The following CHM variants were observed in gnomAD, a reference collection of about 807,000 sequenced individuals.
The protein encoded by CHM is CHM Rab escort protein.
CHM carries 10 observed loss-of-function variants against 49.0 expected under a neutral mutation model. That is an observed-to-expected ratio of 0.20 (90% CI 0.13 to 0.35). The LOEUF is 0.35. Ranked by LOEUF, CHM falls within the 10% of genes least tolerant of loss-of-function variation. The pLI, the probability that CHM is intolerant of heterozygous loss-of-function variation, is 1.00. For synonymous variants in CHM, 184 were observed against 167.5 expected (o/e 1.10, Z -0.76); for missense variants, 455 against 478.4 (o/e 0.95, Z 0.46).
intron 2 of CHM, among the ~76,000 whole-genome samples, chrX:85,984,364 C>A (rs551448833): frequency 6.3e-5 from 7 of 111,115 alleles, no homozygotes; most frequent in Non-Finnish European, 1.1e-4. Context: ...TGAAAAAGTA[C>A]GCAATATCAT....
intron 14 of CHM, among the ~76,000 whole-genome samples, chrX:85,872,099 G>A (rs1924110177): frequency 8.9e-6 from 1 of 111,758 alleles, no homozygotes; most frequent in Non-Finnish European, 1.9e-5. Flanking sequence ...GAAAAAAACT[G>A]CAGATGTCTG....
At chrX:85,931,750 A>G (rs915238627) in intron 8 of CHM, among the ~76,000 whole-genome samples, 3 of 111,949 alleles carry the variant, frequency 2.7e-5, no homozygotes, top group Non-Finnish European at 5.6e-5. Context: ...AAAGCCTGTA[A>G]AAACTCTAGG....
chrX:85,981,680 T>C lies in CHM; in HGVS notation c.189+57A>G, dbSNP rs147380002. 76 of 836,588 alleles carry C rather than the reference T, an allele frequency of 9.1e-5. No individual in the cohort carries two copies. In the East Asian group the frequency reaches 2.2e-3, roughly 24 times the overall value. The allele number at this position is 836,588 out of a possible 1,213,427, so 68.9% of individuals were successfully genotyped here. A position where few individuals can be genotyped will look rare whatever the true frequency, so the allele number is the denominator to read the frequency against. ...GCTTAGGGTTTTCTTCAGTGCAGGG[T>C]TACTATGTAACATACAATAAAACAA... On this transcript the variant is annotated intron_variant, in intron 3 of 14. Transcript: ENST00000357749.
intron 5 of CHM, among the ~76,000 whole-genome samples, chrX:85,960,031 T>A (rs5967654): frequency 0.23 from 25,113 of 110,900 alleles, 2,170 homozygotes; most frequent in Non-Finnish European, 0.25. Context: ...AATCTGATCA[T>A]CCTGATTAAA....
intron 8 of CHM, among the ~76,000 whole-genome samples, chrX:85,948,879 G>A (rs1254223835): frequency 2.7e-5 from 3 of 111,691 alleles, no homozygotes; most frequent in African/African-American, 9.8e-5. Flanking sequence ...GCATTATGAA[G>A]AGAATCTAAT....
chrX:85,886,260 G>A (rs1465658830), intron 12 of CHM, among the ~76,000 whole-genome samples: 1 of 111,801 alleles, frequency 8.9e-6, no homozygotes, highest in African/African-American at 3.2e-5. Context: ...AGCATATTTA[G>A]CATTTTCAGT....
At position 85,981,014 on chromosome X, in the gene CHM, T is replaced by C. The variant is rs188295634; in HGVS notation, c.189+723A>G. Among the ~76,000 whole-genome samples, 221 of 108,940 alleles carry C rather than the reference T, an allele frequency of 2.0e-3. 1 individual carries two copies. Among genetic ancestry groups the C allele is most frequent in the African/African-American group, 7.0e-3 (211 of 29,933 alleles). 94.6% of individuals were successfully genotyped at this position (108,940 alleles called of 115,157 possible). On this transcript the variant is annotated intron_variant, in intron 3 of 14. Transcript: ENST00000357749. ...AAATTGTTAGGTTTTTTCTTTTTTT[T>C]CAAAAAAGGTTTTTGTTCAAAATAT...
intron 2 of CHM, 109 bp from the exon 3 acceptor site, chrX:85,981,918 A>G: frequency 1.6e-6 from 1 of 620,132 alleles, no homozygotes; most frequent in Non-Finnish European, 2.5e-6. Context: ...TCACTTTTTA[A>G]TATTACTGCC....
intron 8 of CHM, among the ~76,000 whole-genome samples, chrX:85,942,404 G>T (rs1027360502): frequency 4.5e-5 from 5 of 109,977 alleles, no homozygotes; most frequent in African/African-American, 1.7e-4. Flanking sequence ...TCCTAACAAC[G>T]GTTCTCAATC....
chrX:85,970,967 ATTAAAT>A (rs1930866820), intron 4 of CHM: 1 of 692,000 alleles, frequency 1.4e-6, no homozygotes, highest in African/African-American at 2.3e-5. Context: ...TACCCAACGT[ATTAAAT>A]TTAATGTTGA....
intron 8 of CHM, among the ~76,000 whole-genome samples, chrX:85,913,332 A>AAAGAAAG (rs1556281328): frequency 4.3e-4 from 10 of 23,404 alleles, no homozygotes; most frequent in Admixed American, 8.0e-4. Flanking sequence ...AAAAAAAAAA[A>AAAGAAAG]AAAGAAAGAA....
intron 11 of CHM, among the ~76,000 whole-genome samples, chrX:85,895,807 T>C (rs929252030): frequency 9.0e-6 from 1 of 111,606 alleles, no homozygotes; most frequent in Non-Finnish European, 1.9e-5. Flanking sequence ...CACTAAGACA[T>C]TGAATGTTGA....
intron 14 of CHM, among the ~76,000 whole-genome samples, chrX:85,865,335 T>C (rs1047753182): frequency 9.0e-6 from 1 of 111,685 alleles, no homozygotes; most frequent in African/African-American, 3.3e-5. Flanking sequence ...CCCCCTTTTC[T>C]CTTTCTCCTG....
intron 2 of CHM, among the ~76,000 whole-genome samples, chrX:86,001,879 C>G (rs1034909800): frequency 5.4e-5 from 6 of 110,206 alleles, no homozygotes; most frequent in African/African-American, 2.0e-4. Context: ...ACAACAACAA[C>G]AAGTACATCT....
At chrX:85,875,222 ATC>A (rs1924338162) in intron 13 of CHM, among the ~76,000 whole-genome samples, 1 of 111,913 alleles carries the variant, frequency 8.9e-6, no homozygotes, top group African/African-American at 3.2e-5. Context: ...TAATTGCTTC[ATC>A]TTTCTTTGAG....
chrX:85,996,289 C>G (rs1932437190), intron 2 of CHM, among the ~76,000 whole-genome samples: 2 of 111,889 alleles, frequency 1.8e-5, no homozygotes. Context: ...ATTACTGAAG[C>G]AGAGCATCAC....
intron 1 of CHM, among the ~76,000 whole-genome samples, chrX:86,036,193 T>C (rs368079382): frequency 3.6e-5 from 4 of 110,237 alleles, no homozygotes; most frequent in Non-Finnish European, 7.6e-5. Flanking sequence ...GTGCCCAAGG[T>C]GGTTGGGGTA....
intron 13 of CHM, among the ~76,000 whole-genome samples, chrX:85,877,860 G>T (rs1303578529): frequency 9.0e-6 from 1 of 111,572 alleles, no homozygotes; most frequent in Non-Finnish European, 1.9e-5. Flanking sequence ...CAAGGAAACA[G>T]AACAGGTATG....
chrX:85,872,711 G>A (rs776543384), intron 14 of CHM, among the ~76,000 whole-genome samples: 1 of 111,774 alleles, frequency 8.9e-6, no homozygotes, highest in East Asian at 2.8e-4. Context: ...TATAGCAATC[G>A]TCCAACTGTT....
Sources: allele counts gnomAD v4.1 joint callset (sites outside exome capture counted in the v4.1 genomes callset), GRCh38; gene constraint gnomAD v4.1.1; transcripts MANE v1.5; gene names NCBI Gene and HGNC (gene_info 2026-07-23, HGNC 2026-07-21).